The following PRDM1 variants were observed in gnomAD, a reference collection of about 807,000 sequenced individuals.
PRDM1 encodes PR domain zinc finger protein 1.
A neutral mutation model predicts 62.8 loss-of-function variants in PRDM1; 13 were observed. The observed-to-expected ratio is 0.21, with a 90% CI of 0.13 to 0.33. The LOEUF (loss-of-function observed/expected upper bound fraction) is 0.33, where lower values mean the gene tolerates loss of function less well. PRDM1 is among the 10% of genes least tolerant of loss of function. The pLI is 1.00. For synonymous variants in PRDM1, 396 were observed against 417.6 expected (o/e 0.95, Z 0.63); for missense variants, 895 against 1,058.8 (o/e 0.85, Z 2.15).
At chr6:106,029,070 G>A (rs1401470184) in intron 1 of PRDM1, among the ~76,000 whole-genome samples, 1 of 151,836 alleles carries the variant, frequency 6.6e-6, no homozygotes, top group African/African-American at 2.4e-5. Flanking sequence ...ACAGGCGCAC[G>A]CCACCATGCC....
intron 4 of PRDM1, 93 bp downstream of exon 4, chr6:106,099,645 T>C: frequency 6.7e-7 from 1 of 1,502,880 alleles, no homozygotes; most frequent in Non-Finnish European, 8.9e-7. Flanking sequence ...TATACGGCTT[T>C]GTCATGTGTT....
intron 1 of PRDM1, among the ~76,000 whole-genome samples, chr6:106,032,145 AATAGCTAGGC>A (rs1772851267): frequency 6.6e-6 from 1 of 152,036 alleles, no homozygotes; most frequent in Non-Finnish European, 1.5e-5. Flanking sequence ...AAAGTAATAA[AATAGCTAGGC>A]ATATTAAAGA....
At chr6:105,997,948 T>C (rs1287405895) in intron 1 of PRDM1, among the ~76,000 whole-genome samples, 1 of 152,244 alleles carries the variant, frequency 6.6e-6, no homozygotes, top group Admixed American at 6.5e-5. Context: ...ACCTTAATAC[T>C]GTATGCTCAA....
chr6:106,030,054 T>C lies in PRDM1; in HGVS notation c.-67+36415T>C, dbSNP rs146665454. On this transcript the variant is annotated intron_variant, in intron 1 of 6. Transcript: ENST00000652320. ...TGCACATTTAGAAAATTGGTTTATG[T>C]TTTCTTATTAAGTTTTGAGAGTTCT... Among the ~76,000 whole-genome samples the C allele has an allele frequency of 1.2e-3, 177 of 152,352 alleles. 3 individuals carry two copies. The East Asian group carries it at 0.027, about 23-fold the overall frequency.
At chr6:106,017,647 A>G (rs1397731787) in intron 1 of PRDM1, among the ~76,000 whole-genome samples, 1 of 152,208 alleles carries the variant, frequency 6.6e-6, no homozygotes, top group Non-Finnish European at 1.5e-5. Flanking sequence ...CTTATCTCTC[A>G]ATGATGGATG....
chr6:106,006,661 G>A (rs944133631), intron 1 of PRDM1, among the ~76,000 whole-genome samples: 3 of 151,942 alleles, frequency 2.0e-5, no homozygotes, highest in Non-Finnish European at 4.4e-5. Flanking sequence ...CAGGGTTTGG[G>A]TGGTACACAT....
Position 106,077,061 on chromosome 6 carries a change from C to T in PRDM1, c.-66-11140C>T, listed in dbSNP as rs1030292097. 5.3e-5 allele frequency among the ~76,000 whole-genome samples: 8 copies of T among 152,196 alleles called. No homozygotes were observed. The South Asian group carries it at 1.0e-3, about 20-fold the overall frequency. ...CAAATGCTGTTGTCAGAGGTAAGTTCTTCCCATTCCCATAAACATGAACAT... is the reference window on the plus strand; with the variant it reads ...CAAATGCTGTTGTCAGAGGTAAGTTTTTCCCATTCCCATAAACATGAACAT... On this transcript the variant is annotated intron_variant, in intron 1 of 6. Coordinates refer to the PRDM1 transcript ENST00000651185.
At chr6:106,088,027 G>A (rs1444959707) in intron 1 of PRDM1, 174 bp from the exon 2 acceptor site, 1 of 309,394 alleles carries the variant, frequency 3.2e-6, no homozygotes, top group Non-Finnish European at 5.0e-6. Context: ...TAAAAACCTT[G>A]CTTCTTTTCA....
At chr6:106,098,605 C>A in intron 3 of PRDM1, 1 of 1,315,614 alleles carries the variant, frequency 7.6e-7, no homozygotes, top group South Asian at 1.2e-5. Flanking sequence ...ACATGTTTAT[C>A]AAGAGGAAAA....
intron 1 of PRDM1, among the ~76,000 whole-genome samples, chr6:106,008,010 GC>G (rs1156322680): frequency 1.3e-5 from 2 of 152,166 alleles, no homozygotes; most frequent in African/African-American, 4.8e-5. Context: ...ACCTCTAATG[GC>G]TTTACATCAT....
At chr6:106,093,157 A>G (rs1265694474) in intron 2 of PRDM1, among the ~76,000 whole-genome samples, 1 of 152,182 alleles carries the variant, frequency 6.6e-6, no homozygotes, top group Non-Finnish European at 1.5e-5. Flanking sequence ...GTGCTGCTTT[A>G]TAGCTTACTA....
intron 1 of PRDM1, among the ~76,000 whole-genome samples, chr6:106,000,751 C>T (rs937912613): frequency 2.0e-5 from 3 of 152,078 alleles, no homozygotes; most frequent in African/African-American, 7.2e-5. Context: ...TTGTTTCATT[C>T]CATTATCAGT....
chr6:106,001,125 C>A (rs947246055), intron 1 of PRDM1, among the ~76,000 whole-genome samples: 1 of 152,180 alleles, frequency 6.6e-6, no homozygotes, highest in African/African-American at 2.4e-5. Flanking sequence ...ATTATGTTTT[C>A]CTGACCTAGT....
chr6:106,080,822 T>G (rs1773682439), intron 1 of PRDM1, among the ~76,000 whole-genome samples: 1 of 152,172 alleles, frequency 6.6e-6, no homozygotes, highest in African/African-American at 2.4e-5. Context: ...TCCTTCCCTG[T>G]GTTTGGTCCC....
chr6:106,054,052 T>G (rs192981963), intron 1 of PRDM1, among the ~76,000 whole-genome samples: 1 of 152,090 alleles, frequency 6.6e-6, no homozygotes, highest in East Asian at 1.9e-4. Flanking sequence ...GGAGACTAGA[T>G]TCGTAGATCA....
intron 1 of PRDM1, among the ~76,000 whole-genome samples, chr6:106,062,828 T>C (rs1773365700): frequency 6.6e-6 from 1 of 152,152 alleles, no homozygotes; most frequent in African/African-American, 2.4e-5. Flanking sequence ...GGAGGGTTTG[T>C]TGGGAAGGAA....
At chr6:105,998,927 ATATATATT>A (rs1772393072) in intron 1 of PRDM1, among the ~76,000 whole-genome samples, 1 of 2,030 alleles carries the variant, frequency 4.9e-4, no homozygotes. Context: ...ATATATATAT[ATATATATT>A]TTTTTTTTTT....
chr6:106,081,932 A>G (rs1773701427), upstream of PRDM1, among the ~76,000 whole-genome samples: 1 of 152,056 alleles, frequency 6.6e-6, no homozygotes, highest in South Asian at 2.1e-4. Context: ...TTTTAAGCCA[A>G]CTGGTCCTCC....
In PRDM1 at chr6:106,105,680, A is replaced by G; in HGVS notation, c.1520A>G (p.Asp507Gly). The stretch of plus-strand genomic sequence containing the variant: ...ACCGGGGCCGCCGCCAGCATGAAGG[A>G]CAAGGCCTGTAGCCCCACAAGCGGG... The part of the protein sequence containing the change: ...SFTGAAASMK[D>G]KACSPTSGSP... Residue 507 changes from aspartate to glycine, a missense_variant, in exon 5 of 7, where the codon GAC becomes GGC. This residue lies in a region of PRDM1 where 444 missense variants were observed against 422.7 expected (regional missense o/e 1.05). Coordinates refer to ENST00000369096, the MANE Select transcript of PRDM1 (RefSeq NM_001198.4). 1.9e-6 allele frequency: 3 copies of G among 1,613,456 alleles called. No homozygotes were observed. The highest frequency in any genetic ancestry group is 2.5e-6 in the Non-Finnish European group (3 of 1,179,578).
Sources: allele counts gnomAD v4.1 joint callset (sites outside exome capture counted in the v4.1 genomes callset), GRCh38; gene constraint gnomAD v4.1.1; regional missense constraint gnomAD v4.1.1; transcripts MANE v1.5; gene names NCBI Gene and HGNC (gene_info 2026-07-23, HGNC 2026-07-21).